HMCN1: variants seen among roughly 807,000 people sequenced by gnomAD.
HMCN1 encodes hemicentin-1.
In HMCN1, 321 loss-of-function variants were observed where a neutral mutation model predicts 625.9. The ratio of observed to expected loss-of-function variants is 0.51; its 90% CI spans 0.47 to 0.56. HMCN1 has a LOEUF of 0.56. HMCN1 is among the 20% of genes least tolerant of loss of function. The pLI is 0.00. For missense variants in HMCN1, 6,588 were observed against 6,887.3 expected (o/e 0.96, Z 1.54); for synonymous variants, 2,425 against 2,417.6 (o/e 1.00, Z -0.09).
At position 186,187,686 on chromosome 1, in the gene HMCN1, C is replaced by T. The variant is rs566917077; in HGVS notation, c.16415-197C>T. 3.9e-5 allele frequency among the ~76,000 whole-genome samples: 6 copies of T among 152,130 alleles called. No homozygotes were observed. In the South Asian group the frequency reaches 1.2e-3, roughly 32 times the overall value. ...CCTTTCACATAAAGAAATATGTGCT[C>T]GAGGCAACCTGGGAAATAACCCTGC... On this transcript the variant is annotated intron_variant, in intron 105 of 106. Coordinates refer to ENST00000271588, the MANE Select transcript of HMCN1 (RefSeq NM_031935.3).
intron 1 of HMCN1, among the ~76,000 whole-genome samples, chr1:185,761,295 G>T (rs1284566119): frequency 1.3e-5 from 2 of 152,150 alleles, no homozygotes; most frequent in Non-Finnish European, 1.5e-5. Flanking sequence ...GTTTTTGGTT[G>T]AGGTCTGAGC....
chr1:185,857,315 T>G (rs1379583101), intron 2 of HMCN1, among the ~76,000 whole-genome samples: 1 of 152,184 alleles, frequency 6.6e-6, no homozygotes, highest in African/African-American at 2.4e-5. Flanking sequence ...ATCAAAATAT[T>G]GAGCAGGACT....
chr1:185,926,192 C>G (rs1366791144), intron 9 of HMCN1, among the ~76,000 whole-genome samples: 1 of 152,126 alleles, frequency 6.6e-6, no homozygotes, highest in Non-Finnish European at 1.5e-5. Context: ...TTTTATCAGA[C>G]TTTTATACTG....
chr1:185,866,397 AT>A (rs969071873), intron 4 of HMCN1, among the ~76,000 whole-genome samples: 4,231 of 102,624 alleles, frequency 0.041, 54 homozygotes, highest in African/African-American at 0.099. Flanking sequence ...GTTTGTCATA[AT>A]TTTTTTTTTT....
rs1345412859 is a variant in HMCN1, at chr1:186,022,576, G to T, written c.5626-454G>T. Among the ~76,000 whole-genome samples the T allele has an allele frequency of 2.0e-5, 3 of 152,208 alleles. No individual in the cohort carries two copies. The East Asian group carries it at 5.8e-4, about 29-fold the overall frequency. ...TTTAAGAGGGAAATTGTGAAAAATA[G>T]GAAGAAATTTATCTGCATTCTCATA... On this transcript the variant is annotated intron_variant, in intron 35 of 106. Coordinates refer to ENST00000271588, the MANE Select transcript of HMCN1 (RefSeq NM_031935.3).
intron 1 of HMCN1, among the ~76,000 whole-genome samples, chr1:185,825,899 A>C (rs1294702523): frequency 6.6e-6 from 1 of 152,244 alleles, no homozygotes; most frequent in African/African-American, 2.4e-5. Flanking sequence ...GAGACGAAAG[A>C]AATTTAGATT....
intron 48 of HMCN1, among the ~76,000 whole-genome samples, chr1:186,063,066 G>GTGTGTATATATATATATATATA (rs1491400415): frequency 3.3e-5 from 1 of 29,940 alleles, no homozygotes; most frequent in Non-Finnish European, 6.0e-5. Context: ...GTGTGTGTGT[G>GTGTGTATATATATATATATATA]CATATATATA....
At chr1:185,947,628 G>A (rs1340039115) in intron 11 of HMCN1, among the ~76,000 whole-genome samples, 1 of 152,194 alleles carries the variant, frequency 6.6e-6, no homozygotes, top group Non-Finnish European at 1.5e-5. Context: ...TGGGATTTCA[G>A]TGGCCCTTGC....
At chr1:185,963,700 A>ACTATATT in intron 12 of HMCN1, 68 bp from the exon 13 acceptor site, 1 of 1,162,288 alleles carries the variant, frequency 8.6e-7, no homozygotes, top group Non-Finnish European at 1.3e-6. Flanking sequence ...AAAGGAAAGC[A>ACTATATT]CTATATTATC....
chr1:185,942,640 AT>A (rs983783895), intron 11 of HMCN1, among the ~76,000 whole-genome samples: 35 of 151,688 alleles, frequency 2.3e-4, no homozygotes, highest in African/African-American at 7.8e-4. Context: ...AAATGTGTAA[AT>A]TTTTTTTTCC....
At chr1:185,885,479 C>A (rs1026986197) in intron 4 of HMCN1, among the ~76,000 whole-genome samples, 1 of 150,984 alleles carries the variant, frequency 6.6e-6, no homozygotes, top group Non-Finnish European at 1.5e-5. Context: ...TTCCTTATTA[C>A]CTGTGTTAAA....
intron 89 of HMCN1, among the ~76,000 whole-genome samples, chr1:186,141,822 G>A (rs1649981945): frequency 6.6e-6 from 1 of 152,160 alleles, no homozygotes; most frequent in Admixed American, 6.5e-5. Context: ...GACTTGTCAG[G>A]ATTGCATGGC....
chr1:186,034,612 T>A (rs2102211931), intron 36 of HMCN1, among the ~76,000 whole-genome samples: 1 of 152,270 alleles, frequency 6.6e-6, no homozygotes, highest in South Asian at 2.1e-4. Context: ...TTCTTCCTTC[T>A]GTGTCTGCTA....
intron 21 of HMCN1, among the ~76,000 whole-genome samples, chr1:185,989,896 C>T (rs1189754707): frequency 2.0e-5 from 3 of 150,962 alleles, no homozygotes; most frequent in African/African-American, 7.3e-5. Context: ...ATGGTGTTTT[C>T]CCAAGAAGTA....
intron 26 of HMCN1, 126 bp downstream of exon 26, chr1:186,000,365 T>C: frequency 1.4e-6 from 1 of 719,984 alleles, no homozygotes; most frequent in East Asian, 2.7e-5. Context: ...AACAGAAATC[T>C]GGTGGTATGA....
intron 55 of HMCN1, among the ~76,000 whole-genome samples, chr1:186,079,356 G>T (rs1449220835): frequency 6.6e-6 from 1 of 152,150 alleles, no homozygotes; most frequent in Non-Finnish European, 1.5e-5. Flanking sequence ...CTCCCTTACA[G>T]TGGTCAGTAG....
intron 1 of HMCN1, among the ~76,000 whole-genome samples, chr1:185,827,171 C>CAAAAAAAA (rs756416016): frequency 2.3e-5 from 1 of 43,182 alleles, no homozygotes; most frequent in African/African-American, 6.8e-5. Context: ...GACTCCATCT[C>CAAAAAAAA]AAAAAAAAAA....
At chr1:186,045,918 G>T (rs1470716380) in intron 41 of HMCN1, 55 bp downstream of exon 41, 30 of 1,283,908 alleles carry the variant, frequency 2.3e-5, no homozygotes, top group East Asian at 9.3e-5. Flanking sequence ...TCATGGTTTT[G>T]GTATTACCCT....
intron 2 of HMCN1, among the ~76,000 whole-genome samples, chr1:185,848,919 G>A (rs1248732639): frequency 6.6e-6 from 1 of 152,098 alleles, no homozygotes; most frequent in Non-Finnish European, 1.5e-5. Flanking sequence ...AACAAATGCA[G>A]AAAATCTTCT....
Sources: allele counts gnomAD v4.1 joint callset (sites outside exome capture counted in the v4.1 genomes callset), GRCh38; gene constraint gnomAD v4.1.1; transcripts MANE v1.5; gene names NCBI Gene and HGNC (gene_info 2026-07-23, HGNC 2026-07-21).